The following SLC39A11 variants were observed in gnomAD, a reference collection of about 807,000 sequenced individuals.
The protein encoded by SLC39A11 is solute carrier family 39 member 11.
SLC39A11 carries 33 observed loss-of-function variants against 36.1 expected under a neutral mutation model. The ratio of observed to expected loss-of-function variants is 0.91; its 90% CI spans 0.69 to 1.22. The LOEUF (loss-of-function observed/expected upper bound fraction) is 1.22, where lower values mean the gene tolerates loss of function less well. SLC39A11 is among the 50% of genes most tolerant of loss of function. SLC39A11 has a pLI of 0.00. For missense variants in SLC39A11, 432 were observed against 430.3 expected, an observed-to-expected ratio of 1.00 and a Z score of -0.03; for synonymous variants, 166 against 170.3, an observed-to-expected ratio of 0.97 and a Z score of 0.20.
chr17:73,038,463 C>G (rs1318262399), intron 3 of SLC39A11, among the ~76,000 whole-genome samples: 1 of 151,164 alleles, frequency 6.6e-6, no homozygotes, highest in Non-Finnish European at 1.5e-5. Context: ...CTTTGAGAAG[C>G]CTAGGTGGGC....
chr17:73,013,370 G>C (rs1330141907), intron 4 of SLC39A11, among the ~76,000 whole-genome samples: 1 of 152,264 alleles, frequency 6.6e-6, no homozygotes, highest in Non-Finnish European at 1.5e-5. Flanking sequence ...TTACAGGCGT[G>C]AGCCTCCGCA....
At chr17:72,654,864 C>T (rs1041578340) in intron 7 of SLC39A11, among the ~76,000 whole-genome samples, 4 of 152,224 alleles carry the variant, frequency 2.6e-5, no homozygotes, top group Non-Finnish European at 4.4e-5. Flanking sequence ...CCAAAGTCCT[C>T]GCCGTGACAT....
At chr17:72,876,354 G>A (rs971357845) in intron 5 of SLC39A11, among the ~76,000 whole-genome samples, 3 of 152,210 alleles carry the variant, frequency 2.0e-5, no homozygotes, top group Admixed American at 6.5e-5. Context: ...AGAAGCCAAG[G>A]AAGCATGTTG....
At chr17:72,917,444 T>C (rs1272801444) in intron 5 of SLC39A11, among the ~76,000 whole-genome samples, 1 of 151,620 alleles carries the variant, frequency 6.6e-6, no homozygotes, top group Non-Finnish European at 1.5e-5. Context: ...AGGGAAGAAG[T>C]GAGGGGGGAT....
At chr17:72,916,195 G>A (rs118186904) in intron 5 of SLC39A11, among the ~76,000 whole-genome samples, 22 of 150,326 alleles carry the variant, frequency 1.5e-4, no homozygotes, top group East Asian at 1.3e-3. Flanking sequence ...AGTGAAATGC[G>A]CGCACACACA....
At chr17:72,897,603 G>T (rs542004373) in intron 5 of SLC39A11, among the ~76,000 whole-genome samples, 1 of 152,318 alleles carries the variant, frequency 6.6e-6, no homozygotes, top group Admixed American at 6.5e-5. Context: ...TGAGTTTGAA[G>T]AAAGTCTAAT....
At chr17:73,002,984 C>G (rs2089904991) in intron 4 of SLC39A11, among the ~76,000 whole-genome samples, 1 of 152,180 alleles carries the variant, frequency 6.6e-6, no homozygotes, top group Admixed American at 6.5e-5. Flanking sequence ...GACAATCCAG[C>G]ATTACCTCCC....
chr17:73,023,846 A>G (rs1032510696), intron 4 of SLC39A11, among the ~76,000 whole-genome samples: 2 of 152,136 alleles, frequency 1.3e-5, no homozygotes, highest in Non-Finnish European at 2.9e-5. Context: ...CTTCATGGAA[A>G]GAGGAAAGCT....
chr17:72,836,280 G>A (rs2078540081), intron 6 of SLC39A11, among the ~76,000 whole-genome samples: 1 of 151,998 alleles, frequency 6.6e-6, no homozygotes, highest in South Asian at 2.1e-4. Flanking sequence ...GCTCACCAGT[G>A]AGACACAACA....
intron 5 of SLC39A11, among the ~76,000 whole-genome samples, chr17:72,946,605 A>C: frequency 6.6e-6 from 1 of 152,070 alleles, no homozygotes; most frequent in East Asian, 1.9e-4. Flanking sequence ...TCCTTAATTC[A>C]CTCAGGAGAG....
chr17:73,022,595 T>A (rs1340877237), intron 4 of SLC39A11, among the ~76,000 whole-genome samples: 1 of 56,776 alleles, frequency 1.8e-5, no homozygotes, highest in African/African-American at 7.9e-5. Context: ...AACTCCATCT[T>A]AAAAAAAAAA....
intron 6 of SLC39A11, among the ~76,000 whole-genome samples, chr17:72,741,921 C>T (rs1276683559): frequency 2.0e-5 from 3 of 152,122 alleles, no homozygotes; most frequent in East Asian, 1.9e-4. Flanking sequence ...AGTACCCAGC[C>T]GGGCACAGTG....
At chr17:72,949,492 T>A (rs1162620706) in intron 4 of SLC39A11, among the ~76,000 whole-genome samples, 1 of 151,912 alleles carries the variant, frequency 6.6e-6, no homozygotes, top group Non-Finnish European at 1.5e-5. Context: ...TATCACAGTT[T>A]CTGGAGGCAG....
chr17:72,914,393 T>C (rs969277896), intron 5 of SLC39A11, among the ~76,000 whole-genome samples: 2 of 151,972 alleles, frequency 1.3e-5, no homozygotes, highest in Admixed American at 1.3e-4. Context: ...ACAATATAAC[T>C]ACTTATATAG....
intron 6 of SLC39A11, among the ~76,000 whole-genome samples, chr17:72,766,969 C>A (rs1007074059): frequency 6.6e-6 from 1 of 152,134 alleles, no homozygotes; most frequent in Admixed American, 6.5e-5. Context: ...AAGATAACCT[C>A]CCCTCCGACC....
At chr17:72,782,049 G>A (rs779544402) in intron 6 of SLC39A11, among the ~76,000 whole-genome samples, 6 of 152,066 alleles carry the variant, frequency 3.9e-5, no homozygotes, top group Admixed American at 6.6e-5. Flanking sequence ...GGAAAAGGGC[G>A]CCTGGCAGAT....
chr17:72,978,405 T>C (rs1335660475), intron 4 of SLC39A11, among the ~76,000 whole-genome samples: 1 of 152,036 alleles, frequency 6.6e-6, no homozygotes, highest in Non-Finnish European at 1.5e-5. Context: ...AAGTAAAAAA[T>C]ATACAAACGA....
intron 6 of SLC39A11, among the ~76,000 whole-genome samples, chr17:72,833,318 GGAA>G (rs1305208253): frequency 6.6e-6 from 1 of 152,180 alleles, no homozygotes; most frequent in African/African-American, 2.4e-5. Context: ...GTTATAACAT[GGAA>G]GAAGAATTCA....
At chr17:72,986,870 A>C (rs1359812497) in intron 4 of SLC39A11, among the ~76,000 whole-genome samples, 1 of 152,214 alleles carries the variant, frequency 6.6e-6, no homozygotes, top group African/African-American at 2.4e-5. Context: ...ACTGTCTTCA[A>C]CTACAATGAC....
Sources: gnomAD v4.1 joint callset for allele counts (sites outside exome capture counted in the v4.1 genomes callset) on GRCh38, gnomAD v4.1.1 for gene constraint, MANE v1.5 for transcripts, NCBI Gene and HGNC (gene_info 2026-07-23, HGNC 2026-07-21) for gene names.